Variants in FSTL5 observed in about 807,000 individuals in gnomAD.
The protein encoded by FSTL5 is follistatin-related protein 5.
FSTL5 carries 62 observed loss-of-function variants against 89.1 expected under a neutral mutation model. That is an observed-to-expected ratio of 0.70 (90% CI 0.57 to 0.86). The LOEUF is 0.86. FSTL5 is among the 40% of genes least tolerant of loss of function. FSTL5 has a pLI of 0.00. For synonymous variants in FSTL5, 383 were observed against 346.2 expected, an observed-to-expected ratio of 1.11 and a Z score of -1.18; for missense variants, 1,057 against 1,001.6, an observed-to-expected ratio of 1.06 and a Z score of -0.75.
In FSTL5 at chr4:161,404,934, T is replaced by G. The variant is rs185722824; in HGVS notation, c.1842-18485A>C. On this transcript the variant is annotated intron_variant, in intron 15 of 15. Coordinates refer to ENST00000306100, the MANE Select transcript of FSTL5 (RefSeq NM_020116.5). ...CAAGACAAAAACTGACTCAGCTGTT[T>G]AAAAATTTGCTCGTAGCTGGGGGCG... Among the ~76,000 whole-genome samples the G allele has an allele frequency of 3.2e-4, 48 of 152,142 alleles. No homozygotes were observed. The East Asian group carries it at 9.3e-3, about 29-fold the overall frequency.
chr4:161,814,600 A>G (rs565378705), intron 4 of FSTL5, among the ~76,000 whole-genome samples: 2 of 152,244 alleles, frequency 1.3e-5, no homozygotes, highest in African/African-American at 4.8e-5. Flanking sequence ...CAATAGAAAC[A>G]TTTACATTAT....
chr4:161,493,703 C>G (rs904660661), intron 12 of FSTL5, among the ~76,000 whole-genome samples: 2 of 151,930 alleles, frequency 1.3e-5, no homozygotes, highest in Admixed American at 6.6e-5. Context: ...TAACCTTAAA[C>G]ACGTTTATTT....
intron 6 of FSTL5, among the ~76,000 whole-genome samples, chr4:161,755,666 T>C (rs75489502): frequency 0.023 from 3,495 of 152,194 alleles, 53 homozygotes; most frequent in Non-Finnish European, 0.031. Flanking sequence ...TTTTTAGTCT[T>C]AATACATCTG....
At chr4:161,714,408 T>G (rs1305648185) in intron 6 of FSTL5, among the ~76,000 whole-genome samples, 4 of 152,130 alleles carry the variant, frequency 2.6e-5, no homozygotes, top group African/African-American at 9.6e-5. Flanking sequence ...CTACTTAATA[T>G]ACAGACATAA....
chr4:161,532,834 C>G (rs1380096015), intron 10 of FSTL5, among the ~76,000 whole-genome samples: 2 of 152,066 alleles, frequency 1.3e-5, no homozygotes, highest in Non-Finnish European at 2.9e-5. Context: ...TGCCATAACA[C>G]AAGTCTTAAT....
chr4:161,500,362 A>G (rs1267383325), intron 11 of FSTL5, among the ~76,000 whole-genome samples: 1 of 152,152 alleles, frequency 6.6e-6, no homozygotes, highest in Non-Finnish European at 1.5e-5. Context: ...TTTCTTTAAT[A>G]TAATTAAATA....
At chr4:161,741,451 C>T (rs557621036) in intron 6 of FSTL5, among the ~76,000 whole-genome samples, 82 of 152,188 alleles carry the variant, frequency 5.4e-4, no homozygotes, top group African/African-American at 1.7e-3. Flanking sequence ...AGAAGCTGAA[C>T]GCAGCCCTGG....
intron 6 of FSTL5, among the ~76,000 whole-genome samples, chr4:161,711,528 C>A (rs183432643): frequency 6.6e-6 from 1 of 151,974 alleles, no homozygotes; most frequent in South Asian, 2.1e-4. Context: ...AAACTCCCTA[C>A]AATAAAAAGC....
chr4:162,104,917 A>G (rs1006367703), intron 2 of FSTL5, among the ~76,000 whole-genome samples: 1 of 152,172 alleles, frequency 6.6e-6, no homozygotes, highest in African/African-American at 2.4e-5. Flanking sequence ...GAAAAAAACA[A>G]TACTACCCCT....
chr4:161,551,889 G>A (rs1374226046), intron 8 of FSTL5, among the ~76,000 whole-genome samples: 1 of 151,850 alleles, frequency 6.6e-6, no homozygotes, highest in Admixed American at 6.6e-5. Context: ...AACCCTAGAA[G>A]AAAACCTAGG....
intron 3 of FSTL5, among the ~76,000 whole-genome samples, chr4:162,002,598 G>A (rs1243009630): frequency 6.6e-6 from 1 of 152,148 alleles, no homozygotes; most frequent in African/African-American, 2.4e-5. Context: ...GTCACATAGA[G>A]GAATGCTAGT....
chr4:161,854,669 C>G (rs1053141858), intron 4 of FSTL5, among the ~76,000 whole-genome samples: 2 of 152,062 alleles, frequency 1.3e-5, no homozygotes, highest in African/African-American at 4.8e-5. Flanking sequence ...GGTTAAACTA[C>G]TGTGCAAAAT....
intron 2 of FSTL5, among the ~76,000 whole-genome samples, chr4:162,094,813 G>C (rs1366247857): frequency 6.6e-6 from 1 of 152,126 alleles, no homozygotes; most frequent in Non-Finnish European, 1.5e-5. Context: ...TGGTAGCACT[G>C]TAAGTATATA....
At chr4:161,781,975 T>C (rs1165933375) in intron 4 of FSTL5, among the ~76,000 whole-genome samples, 2 of 152,184 alleles carry the variant, frequency 1.3e-5, no homozygotes, top group African/African-American at 2.4e-5. Flanking sequence ...TCTAGAATGA[T>C]AGTTGGAATC....
chr4:162,021,211 C>A (rs1017867), intron 3 of FSTL5, among the ~76,000 whole-genome samples: 95,326 of 151,866 alleles, frequency 0.63, 30,629 homozygotes, highest in East Asian at 0.81. Flanking sequence ...TAGGCAACTG[C>A]AAATAAGCAT....
intron 6 of FSTL5, among the ~76,000 whole-genome samples, chr4:161,737,423 G>A (rs1020180696): frequency 2.0e-5 from 3 of 151,848 alleles, no homozygotes; most frequent in African/African-American, 7.3e-5. Context: ...CGTAATGTGG[G>A]GAAGAAGACC....
At chr4:161,694,494 T>C (rs1396099903) in intron 6 of FSTL5, among the ~76,000 whole-genome samples, 4 of 152,230 alleles carry the variant, frequency 2.6e-5, no homozygotes, top group Admixed American at 6.5e-5. Flanking sequence ...CTCTACTTAT[T>C]CTTACATCAT....
chr4:162,068,506 A>G (rs1729448283), intron 2 of FSTL5, among the ~76,000 whole-genome samples: 1 of 152,128 alleles, frequency 6.6e-6, no homozygotes, highest in African/African-American at 2.4e-5. Flanking sequence ...ATATGCAGAA[A>G]ATTGAAACTG....
At chr4:161,472,674 T>C (rs1360707052) in intron 13 of FSTL5, among the ~76,000 whole-genome samples, 1 of 152,142 alleles carries the variant, frequency 6.6e-6, no homozygotes, top group Non-Finnish European at 1.5e-5. Flanking sequence ...ACTTCTATTA[T>C]GGATTTCTAC....
Sources: gnomAD v4.1 joint callset for allele counts (sites outside exome capture counted in the v4.1 genomes callset) on GRCh38, gnomAD v4.1.1 for gene constraint, MANE v1.5 for transcripts, NCBI Gene and HGNC (gene_info 2026-07-23, HGNC 2026-07-21) for gene names.